Variants in SND1 observed in about 807,000 individuals in gnomAD.
SND1 encodes staphylococcal nuclease domain-containing protein 1.
SND1 carries 38 observed loss-of-function variants against 121.7 expected under a neutral mutation model. That is an observed-to-expected ratio of 0.31 (90% CI 0.24 to 0.41). The LOEUF (loss-of-function observed/expected upper bound fraction) is 0.41. Among genes scored for constraint, SND1 ranks in the 10% least tolerant of loss-of-function variants. The pLI is 1.00. For missense variants in SND1, 868 were observed against 1,184.6 expected, an observed-to-expected ratio of 0.73 and a Z score of 3.92; for synonymous variants, 401 against 447.4, an observed-to-expected ratio of 0.90 and a Z score of 1.31.
chr7:128,072,271 G>A (rs1241229343), intron 16 of SND1, among the ~76,000 whole-genome samples: 1 of 152,232 alleles, frequency 6.6e-6, no homozygotes, highest in Non-Finnish European at 1.5e-5. Context: ...GAGCCACACT[G>A]GCCCACCACA....
chr7:128,072,206 G>A (rs1584773476), intron 16 of SND1, among the ~76,000 whole-genome samples: 2 of 152,206 alleles, frequency 1.3e-5, no homozygotes, highest in South Asian at 2.1e-4. Flanking sequence ...CTGGTTGGTT[G>A]CCTCTGCAGC....
intron 1 of SND1, among the ~76,000 whole-genome samples, chr7:127,679,861 C>CT (rs765740254): frequency 6.6e-6 from 1 of 152,072 alleles, no homozygotes; most frequent in Non-Finnish European, 1.5e-5. Flanking sequence ...TGTTTTCTCT[C>CT]TTTTTTTGGC....
At chr7:127,919,453 T>C (rs1398704665) in intron 14 of SND1, among the ~76,000 whole-genome samples, 1 of 152,212 alleles carries the variant, frequency 6.6e-6, no homozygotes, top group Admixed American at 6.5e-5. Context: ...TCTGGTTCTG[T>C]AATAAGTTCT....
intron 17 of SND1, among the ~76,000 whole-genome samples, chr7:128,074,964 A>G (rs559423929): frequency 2.0e-5 from 3 of 152,218 alleles, no homozygotes; most frequent in Non-Finnish European, 4.4e-5. Flanking sequence ...GTGGTCCTGA[A>G]GCAGAAATCT....
At chr7:127,716,611 G>GT (rs917959930) in intron 9 of SND1, among the ~76,000 whole-genome samples, 3 of 151,784 alleles carry the variant, frequency 2.0e-5, no homozygotes, top group Non-Finnish European at 4.4e-5. Context: ...AATTATTAGA[G>GT]TTTTTTACCT....
intron 15 of SND1, among the ~76,000 whole-genome samples, chr7:127,955,436 C>T (rs1281860825): frequency 3.9e-5 from 6 of 152,152 alleles, no homozygotes; most frequent in Non-Finnish European, 1.5e-5. Context: ...ATTCCCATAA[C>T]TCATCCTGCC....
rs965501383 is a variant in SND1, at chr7:127,995,805, A to G, written c.1779+4749A>G. ...CCATAAGGTATTATTTAAAGAGATC[A>G]GTGTCATAGTTTAACTGTCTTCACA... On this transcript the variant is annotated intron_variant, in intron 16 of 23. Transcript: ENST00000354725. Among the ~76,000 whole-genome samples the G allele has an allele frequency of 7.2e-5, 11 of 152,240 alleles. No individual in the cohort carries two copies. In the South Asian group the frequency reaches 8.3e-4, roughly 11 times the overall value.
At chr7:127,661,971 C>T (rs1795320020) in intron 1 of SND1, among the ~76,000 whole-genome samples, 1 of 142,398 alleles carries the variant, frequency 7.0e-6, no homozygotes, top group South Asian at 2.3e-4. Context: ...CAAAAATTAG[C>T]CGGGCATGGT....
chr7:127,774,606 T>C (rs966096466), intron 10 of SND1, among the ~76,000 whole-genome samples: 3 of 146,612 alleles, frequency 2.0e-5, no homozygotes, highest in African/African-American at 7.6e-5. Context: ...TGAGACGGAG[T>C]CTTTCTCTGT....
chr7:127,909,245 T>C (rs1453466442), intron 14 of SND1, among the ~76,000 whole-genome samples: 5 of 152,178 alleles, frequency 3.3e-5, no homozygotes, highest in Admixed American at 2.0e-4. Context: ...TTTCATATTA[T>C]GTAGTCCTGA....
chr7:127,784,955 T>TAA (rs1392111571), intron 10 of SND1, among the ~76,000 whole-genome samples: 1 of 152,058 alleles, frequency 6.6e-6, no homozygotes, highest in Non-Finnish European at 1.5e-5. Context: ...GTCTTGCTCT[T>TAA]TTGCACAAGC....
chr7:127,680,519 C>A (rs1485159411), intron 1 of SND1, among the ~76,000 whole-genome samples: 3 of 152,056 alleles, frequency 2.0e-5, no homozygotes, highest in Non-Finnish European at 4.4e-5. Context: ...AGGGATGTTC[C>A]TTGCTGAGAA....
chr7:128,029,942 G>C lies in SND1; in HGVS notation c.1779+38886G>C, dbSNP rs750383119. Reference sequence around the variant, plus strand: ...TCAGGCCATGGAAGGAGCCAGGCCTGATCTCAGGGAAGTGGTTCCCTGACA... The same window carrying C: ...TCAGGCCATGGAAGGAGCCAGGCCTCATCTCAGGGAAGTGGTTCCCTGACA... On this transcript the variant is annotated intron_variant, in intron 16 of 23. Coordinates refer to ENST00000354725, the MANE Select transcript of SND1 (RefSeq NM_014390.4). The surrounding 1 kb of genome is among the most constrained non-coding windows in gnomAD (Gnocchi z 4.2). 1 of 1,613,070 alleles carries C rather than the reference G, an allele frequency of 6.2e-7. No individual in the cohort carries two copies. Among genetic ancestry groups the C allele is most frequent in the African/African-American group, 1.3e-5 (1 of 74,906 alleles).
At chr7:128,091,377 A>G (rs1233955677) in intron 22 of SND1, among the ~76,000 whole-genome samples, 1 of 149,268 alleles carries the variant, frequency 6.7e-6, no homozygotes, top group Non-Finnish European at 1.5e-5. Flanking sequence ...ATGGGCCACC[A>G]TGCCTGGCTA....
rs373688636 is a variant in SND1 at position 127,929,183 on chromosome 7, A to G, written c.1528-5A>G. On this transcript the variant is annotated splice_polypyrimidine_tract_variant and splice_region_variant and intron_variant, in intron 14 of 23. Coordinates refer to ENST00000354725, the MANE Select transcript of SND1 (RefSeq NM_014390.4). ...CAGTTACTCTTTTCCTCTTTTCTCC[A>G]TCAGGATACCCAAAAAGCAAAGCAG... is the stretch of plus-strand genomic sequence containing the variant. 4.3e-6 allele frequency: 7 copies of G among 1,613,674 alleles called. No individual in the cohort carries two copies. The highest frequency in any genetic ancestry group is 1.3e-5 in the African/African-American group (1 of 74,908).
chr7:128,086,690 G>T, intron 20 of SND1: 1 of 575,680 alleles, frequency 1.7e-6, no homozygotes, highest in South Asian at 2.0e-5. Context: ...GTTTTCATGG[G>T]AACCACTAGG....
chr7:127,816,269 C>T (rs907475894), intron 11 of SND1, among the ~76,000 whole-genome samples: 3 of 152,134 alleles, frequency 2.0e-5, no homozygotes, highest in African/African-American at 4.8e-5. Context: ...CTTGGTGAGC[C>T]GTGCTCATCC....
At chr7:127,974,403 A>G (rs1802067229) in intron 15 of SND1, among the ~76,000 whole-genome samples, 1 of 152,160 alleles carries the variant, frequency 6.6e-6, no homozygotes, top group South Asian at 2.1e-4. Context: ...TCTGCCCTGG[A>G]AATACCAAAT....
chr7:127,670,091 A>G (rs1795489800), intron 1 of SND1, among the ~76,000 whole-genome samples: 1 of 151,902 alleles, frequency 6.6e-6, no homozygotes, highest in African/African-American at 2.4e-5. Flanking sequence ...CCTGGGTTCA[A>G]GTGATTCTTG....
Sources: gnomAD v4.1 joint callset for allele counts (sites outside exome capture counted in the v4.1 genomes callset) on GRCh38, gnomAD v4.1.1 for gene constraint, Gnocchi (gnomAD v3.1) non-coding constraint, MANE v1.5 for transcripts, NCBI Gene and HGNC (gene_info 2026-07-23, HGNC 2026-07-21) for gene names.